Variants in PDE3A observed in about 807,000 individuals in gnomAD.
The protein encoded by PDE3A is cGMP-inhibited 3',5'-cyclic phosphodiesterase 3A.
In PDE3A, 43 loss-of-function variants were observed where a neutral mutation model predicts 98.3. That is an observed-to-expected ratio of 0.44 (90% CI 0.34 to 0.56). PDE3A has a LOEUF of 0.56. Among genes scored for constraint, PDE3A ranks in the 20% least tolerant of loss-of-function variants. The pLI, the probability that PDE3A is intolerant of heterozygous loss-of-function variation, is 0.01. For synonymous variants in PDE3A, 663 were observed against 567.9 expected, an observed-to-expected ratio of 1.17 and a Z score of -2.38; for missense variants, 1,427 against 1,440.7, an observed-to-expected ratio of 0.99 and a Z score of 0.15.
intron 10 of PDE3A, 107 bp downstream of exon 10, chr12:20,640,064 G>A: frequency 1.7e-6 from 1 of 596,942 alleles, no homozygotes. Context: ...ACACATGGTA[G>A]ACGCTCAATA....
intron 1 of PDE3A, among the ~76,000 whole-genome samples, chr12:20,449,198 G>C (rs551870202): frequency 6.6e-6 from 1 of 152,206 alleles, no homozygotes; most frequent in Non-Finnish European, 1.5e-5. Flanking sequence ...CCCCTAGCAA[G>C]AGAAGATTGG....
chr12:20,434,606 A>G (rs954416104), intron 1 of PDE3A, among the ~76,000 whole-genome samples: 5 of 152,164 alleles, frequency 3.3e-5, no homozygotes, highest in Admixed American at 2.0e-4. Flanking sequence ...GAAAGCAGAT[A>G]CATATAAAAT....
At chr12:20,530,222 G>C in intron 1 of PDE3A, among the ~76,000 whole-genome samples, 1 of 152,008 alleles carries the variant, frequency 6.6e-6, no homozygotes, top group East Asian at 1.9e-4. Flanking sequence ...TTTGCTTAGC[G>C]TAAACACTCA....
At position 20,654,115 on chromosome 12, in the gene PDE3A, G is replaced by A; in HGVS notation, c.3094G>A (p.Glu1032Lys). ...MPGKWVEDSD[E>K]SGDTDDPEEE... ...TGGAAAATGGGTGGAAGACAGCGATGAGTCAGGAGATACTGATGACCCAGA... is the reference window on the plus strand; with the variant it reads ...TGGAAAATGGGTGGAAGACAGCGATAAGTCAGGAGATACTGATGACCCAGA... Residue 1032 changes from glutamate (E) to lysine (K), a missense_variant, in exon 15 of 16, where the codon GAG becomes AAG. By Grantham distance (56) the Glu-to-Lys change is moderately conservative. This residue lies in a region of PDE3A where 142 missense variants were observed against 133.9 expected (regional missense o/e 1.06). Transcript: ENST00000359062. 2 of 1,614,090 alleles carry A rather than the reference G, an allele frequency of 1.2e-6. No homozygotes were observed. Among genetic ancestry groups the A allele is most frequent in the Non-Finnish European group, 8.5e-7 (1 of 1,179,944 alleles).
intron 1 of PDE3A, among the ~76,000 whole-genome samples, chr12:20,536,736 G>T (rs532279588): frequency 6.6e-6 from 1 of 152,042 alleles, no homozygotes; most frequent in South Asian, 2.1e-4. Flanking sequence ...TCTTTTTGTT[G>T]CCAAATAATA....
chr12:20,378,538 T>C (rs2120530882), intron 1 of PDE3A, among the ~76,000 whole-genome samples: 1 of 151,874 alleles, frequency 6.6e-6, no homozygotes, highest in East Asian at 1.9e-4. Flanking sequence ...CATAGATACA[T>C]AGATTTTCAC....
chr12:20,390,838 A>G (rs1032005061), intron 1 of PDE3A, among the ~76,000 whole-genome samples: 13 of 152,102 alleles, frequency 8.5e-5, no homozygotes, highest in African/African-American at 2.4e-4. Flanking sequence ...TGCCCAGCCT[A>G]TCACTACAAA....
intron 2 of PDE3A, among the ~76,000 whole-genome samples, chr12:20,585,252 G>A (rs1195627091): frequency 6.6e-6 from 1 of 152,194 alleles, no homozygotes; most frequent in Non-Finnish European, 1.5e-5. Flanking sequence ...ATGACCTTTT[G>A]TTCCAGGGAG....
chr12:20,408,166 G>C (rs779581116), intron 1 of PDE3A, among the ~76,000 whole-genome samples: 6 of 152,070 alleles, frequency 3.9e-5, no homozygotes, highest in Admixed American at 6.6e-5. Context: ...TGATCCACCC[G>C]CTTCAGCCCC....
At chr12:20,482,032 A>G (rs1304466615) in intron 1 of PDE3A, among the ~76,000 whole-genome samples, 6 of 151,794 alleles carry the variant, frequency 4.0e-5, no homozygotes, top group Admixed American at 6.6e-5. Flanking sequence ...CCAAAGTGCT[A>G]GGATTACAGG....
In PDE3A at chr12:20,684,510, T is replaced by C. The variant is rs1215557268; in HGVS notation, c.*4239T>C. ...AGAAGTTCAAATGCTAATAGCTCAA[T>C]TCCAGATAATTGAAAGCTAAAATAT... is the stretch of plus-strand genomic sequence containing the variant. On this transcript the variant is annotated 3_prime_UTR_variant, in exon 16 of 16. Transcript: ENST00000359062. 6.6e-6 allele frequency: 1 copy of C among 152,220 alleles called. No homozygotes were observed. The highest frequency in any genetic ancestry group is 1.9e-4 in the East Asian group (1 of 5,196). The allele number at this position is 152,220 out of a possible 1,614,324, so 9.4% of individuals were successfully genotyped here. A position where few individuals can be genotyped will look rare whatever the true frequency, so the allele number is the denominator to read the frequency against.
intron 15 of PDE3A, among the ~76,000 whole-genome samples, chr12:20,677,264 A>G (rs979963861): frequency 2.0e-5 from 3 of 152,110 alleles, no homozygotes; most frequent in East Asian, 1.9e-4. Flanking sequence ...GTTGTAGTCT[A>G]TCTCACTGAG....
intron 2 of PDE3A, among the ~76,000 whole-genome samples, chr12:20,585,809 G>T (rs1943180859): frequency 6.6e-6 from 1 of 151,770 alleles, no homozygotes; most frequent in Non-Finnish European, 1.5e-5. Flanking sequence ...TTTGACTTTG[G>T]TTCATGCCTT....
At chr12:20,646,469 G>C in intron 10 of PDE3A, 21 bp from the exon 11 acceptor site, 1 of 1,295,308 alleles carries the variant, frequency 7.7e-7, no homozygotes, top group Non-Finnish European at 1.1e-6. Context: ...ACTGATGACT[G>C]TTCCTGTTCA....
rs113793977 is a variant in PDE3A, at chr12:20,524,268, A to G, written c.961-32392A>G. Reference sequence around the variant, plus strand: ...GTTGCGGCTGCATTTAGCTCTTCACATCCTCCCAATTCTAAAACTGCAAGG... The same window carrying G: ...GTTGCGGCTGCATTTAGCTCTTCACGTCCTCCCAATTCTAAAACTGCAAGG... On this transcript the variant is annotated intron_variant, in intron 1 of 15. Coordinates refer to ENST00000359062, the MANE Select transcript of PDE3A (RefSeq NM_000921.5). Among the ~76,000 whole-genome samples the G allele has an allele frequency of 2.7e-3, 412 of 152,342 alleles. 6 individuals are homozygous for G. The highest frequency in any genetic ancestry group is 0.01 in the Middle Eastern group (3 of 294).
intron 1 of PDE3A, among the ~76,000 whole-genome samples, chr12:20,504,601 C>T (rs1010633160): frequency 6.6e-6 from 1 of 152,070 alleles, no homozygotes; most frequent in Non-Finnish European, 1.5e-5. Flanking sequence ...GGTCTCATTC[C>T]TTTCTCAAGT....
At chr12:20,407,050 A>G (rs1944245667) in intron 1 of PDE3A, among the ~76,000 whole-genome samples, 1 of 152,150 alleles carries the variant, frequency 6.6e-6, no homozygotes, top group South Asian at 2.1e-4. Flanking sequence ...CTATTGGTCT[A>G]TGTGATAGAC....
chr12:20,571,277 G>T (rs1189553442), intron 2 of PDE3A, among the ~76,000 whole-genome samples: 1 of 152,106 alleles, frequency 6.6e-6, no homozygotes, highest in Non-Finnish European at 1.5e-5. Context: ...GAAAATAAAT[G>T]TGGGTACTGA....
intron 1 of PDE3A, among the ~76,000 whole-genome samples, chr12:20,478,140 G>C (rs1486521232): frequency 6.6e-6 from 1 of 152,092 alleles, no homozygotes. Flanking sequence ...ATTAGCTTTA[G>C]GAATTCTTCT....
Sources: gnomAD v4.1 joint callset for allele counts (sites outside exome capture counted in the v4.1 genomes callset) on GRCh38, gnomAD v4.1.1 for gene constraint, gnomAD v4.1.1 regional missense constraint, MANE v1.5 for transcripts, NCBI Gene and HGNC (gene_info 2026-07-23, HGNC 2026-07-21) for gene names.